BORCS5: variants seen among roughly 807,000 people sequenced by gnomAD.
The protein encoded by BORCS5 is BLOC-1 related complex subunit 5, also known as BLOC-1-related complex subunit 5.
BORCS5 carries 17 observed loss-of-function variants against 22.1 expected under a neutral mutation model. The ratio of observed to expected loss-of-function variants is 0.77; its 90% CI spans 0.53 to 1.15. BORCS5 has a LOEUF of 1.15. BORCS5 is among the 50% of genes most tolerant of loss of function. The pLI, the probability that BORCS5 is intolerant of heterozygous loss-of-function variation, is 0.00. For missense variants in BORCS5, 247 were observed against 253.2 expected (o/e 0.98, Z 0.17); for synonymous variants, 117 against 99.8 (o/e 1.17, Z -1.03).
chr12:12,435,924 A>G, intron 3 of BORCS5, 139 bp downstream of exon 3: 2 of 833,396 alleles, frequency 2.4e-6, no homozygotes, highest in Non-Finnish European at 3.6e-6. Flanking sequence ...GTGATGATGA[A>G]AAAAGTGGTC....
intron 2 of BORCS5, among the ~76,000 whole-genome samples, chr12:12,429,672 C>A (rs1398119639): frequency 6.6e-6 from 1 of 152,150 alleles, no homozygotes; most frequent in Non-Finnish European, 1.5e-5. Context: ...TCAAAATCCC[C>A]CTCCTACTTC....
chr12:12,436,585 C>A (rs912828735), intron 3 of BORCS5, among the ~76,000 whole-genome samples: 1 of 152,238 alleles, frequency 6.6e-6, no homozygotes, highest in African/African-American at 2.4e-5. Flanking sequence ...GAAACCACTT[C>A]TGTGAATGGC....
chr12:12,461,000 A>G (rs1233160186), intron 3 of BORCS5, among the ~76,000 whole-genome samples: 1 of 152,186 alleles, frequency 6.6e-6, no homozygotes, highest in Non-Finnish European at 1.5e-5. Context: ...TAATAACCTT[A>G]GTGAGGCCTG....
intron 2 of BORCS5, among the ~76,000 whole-genome samples, chr12:12,429,759 C>T (rs1256603560): frequency 6.6e-6 from 1 of 152,168 alleles, no homozygotes; most frequent in African/African-American, 2.4e-5. Flanking sequence ...AGGTTGGGTT[C>T]TGGGCCCTCT....
At chr12:12,398,093 G>T (rs1394866206) in intron 2 of BORCS5, among the ~76,000 whole-genome samples, 1 of 152,176 alleles carries the variant, frequency 6.6e-6, no homozygotes, top group Non-Finnish European at 1.5e-5. Context: ...TTGGGTCATA[G>T]AAATTAGGTG....
At chr12:12,417,288 T>C (rs964082214) in intron 2 of BORCS5, among the ~76,000 whole-genome samples, 1 of 152,218 alleles carries the variant, frequency 6.6e-6, no homozygotes, top group Non-Finnish European at 1.5e-5. Flanking sequence ...TCTTCTGTTG[T>C]AGATTTCTAA....
intron 2 of BORCS5, among the ~76,000 whole-genome samples, chr12:12,398,654 G>T (rs1424658084): frequency 6.6e-6 from 1 of 152,108 alleles, no homozygotes; most frequent in African/African-American, 2.4e-5. Flanking sequence ...CTGGAATACA[G>T]TGCTATCAAA....
chr12:12,448,773 C>T (rs981571866), intron 3 of BORCS5, among the ~76,000 whole-genome samples: 7 of 152,032 alleles, frequency 4.6e-5, no homozygotes, highest in Non-Finnish European at 8.8e-5. Flanking sequence ...GTGATCCTCC[C>T]GCCTCAGACT....
At chr12:12,398,970 T>A (rs1941410451) in intron 2 of BORCS5, among the ~76,000 whole-genome samples, 1 of 152,180 alleles carries the variant, frequency 6.6e-6, no homozygotes, top group Non-Finnish European at 1.5e-5. Context: ...CTTTATTGTG[T>A]GTCACTGCCG....
chr12:12,404,146 C>T (rs1941542533), intron 2 of BORCS5, among the ~76,000 whole-genome samples: 2 of 152,028 alleles, frequency 1.3e-5, no homozygotes, highest in African/African-American at 4.8e-5. Flanking sequence ...ACAGAATGTG[C>T]GTCTTTTGCT....
At chr12:12,407,023 C>T (rs767862657) in intron 2 of BORCS5, among the ~76,000 whole-genome samples, 5 of 152,186 alleles carry the variant, frequency 3.3e-5, no homozygotes, top group Non-Finnish European at 5.9e-5. Context: ...GGCATTCATT[C>T]TTCCAGGCAA....
chr12:12,357,942 T>A (rs1863184330), intron 1 of BORCS5, among the ~76,000 whole-genome samples: 3 of 152,206 alleles, frequency 2.0e-5, no homozygotes, highest in Admixed American at 2.0e-4. Flanking sequence ...CCACTTGCTT[T>A]GAACCCTTTA....
intron 3 of BORCS5, among the ~76,000 whole-genome samples, chr12:12,449,441 G>A (rs1942861981): frequency 6.6e-6 from 1 of 152,148 alleles, no homozygotes; most frequent in Non-Finnish European, 1.5e-5. Flanking sequence ...AAGGCCTTTT[G>A]TGGGGAGGAG....
At chr12:12,395,148 G>A (rs905511909) in intron 2 of BORCS5, among the ~76,000 whole-genome samples, 1 of 152,006 alleles carries the variant, frequency 6.6e-6, no homozygotes, top group African/African-American at 2.4e-5. Flanking sequence ...GCTGGCAAGA[G>A]AGTCTGAGCA....
At chr12:12,394,817 A>G (rs1941291888) in intron 2 of BORCS5, among the ~76,000 whole-genome samples, 1 of 152,094 alleles carries the variant, frequency 6.6e-6, no homozygotes, top group Non-Finnish European at 1.5e-5. Flanking sequence ...GCCAAGTGCT[A>G]CACTGGTTGT....
At chr12:12,451,814 AG>A (rs1181336009) in intron 3 of BORCS5, among the ~76,000 whole-genome samples, 1 of 151,780 alleles carries the variant, frequency 6.6e-6, no homozygotes, top group African/African-American at 2.4e-5. Context: ...GCTACTCAGG[AG>A]GCTGAGGCAG....
intron 2 of BORCS5, among the ~76,000 whole-genome samples, chr12:12,390,621 CT>C (rs35168426): frequency 1.4e-3 from 195 of 143,930 alleles, no homozygotes; most frequent in East Asian, 1.8e-3. Flanking sequence ...ACCTTATCTC[CT>C]TTTTTTTTTT....
intron 3 of BORCS5, among the ~76,000 whole-genome samples, chr12:12,460,788 T>G (rs1943089081): frequency 6.6e-6 from 1 of 152,234 alleles, no homozygotes; most frequent in South Asian, 2.1e-4. Flanking sequence ...TTACTTTGAT[T>G]GATTTTTCAG....
At chr12:12,395,997 T>C (rs559185100) in intron 2 of BORCS5, among the ~76,000 whole-genome samples, 1 of 152,056 alleles carries the variant, frequency 6.6e-6, no homozygotes, top group East Asian at 1.9e-4. Context: ...TTTTGTTTGT[T>C]TGTTTGTTTC....
Sources: allele counts gnomAD v4.1 joint callset (sites outside exome capture counted in the v4.1 genomes callset), GRCh38; gene constraint gnomAD v4.1.1; transcripts MANE v1.5; gene names NCBI Gene and HGNC (gene_info 2026-07-23, HGNC 2026-07-21).